RFPL1: variants seen among roughly 807,000 people sequenced by gnomAD.
RFPL1 encodes ret finger protein like 1, also known as ret finger protein-like 1.
A neutral mutation model predicts 9.6 loss-of-function variants in RFPL1; 6 were observed. The ratio of observed to expected loss-of-function variants is 0.62; its 90% CI spans 0.34 to 1.23. RFPL1 has a LOEUF of 1.23. Among genes scored for constraint, RFPL1 ranks in the 50% most tolerant of loss-of-function variants. The probability of loss-of-function intolerance (pLI) is 0.03; values close to 1 mark genes in which losing one functional copy is unlikely to be tolerated. For synonymous variants in RFPL1, 145 were observed against 149.4 expected (o/e 0.97, Z 0.22); for missense variants, 352 against 398.4 (o/e 0.88, Z 0.99).
the RFPL1 span, among the ~76,000 whole-genome samples, chr22:29,429,357 A>G: frequency 6.6e-6 from 1 of 152,184 alleles, no homozygotes; most frequent in Non-Finnish European, 1.5e-5. Context: ...CTCAGCCAAG[A>G]AGTTGATTTT....
At chr22:29,431,126 G>A in the RFPL1 span, among the ~76,000 whole-genome samples, 7 of 152,038 alleles carry the variant, frequency 4.6e-5, no homozygotes, top group Non-Finnish European at 8.8e-5. Flanking sequence ...CTGAGCTGTC[G>A]GTGGAAGCTA....
At chr22:29,389,986 G>T in the RFPL1 span, among the ~76,000 whole-genome samples, 3 of 151,894 alleles carry the variant, frequency 2.0e-5, no homozygotes, top group Admixed American at 2.0e-4. Context: ...TTTAGTAGAG[G>T]CGGGGGTTTC....
chr22:29,391,183 A>T, the RFPL1 span, among the ~76,000 whole-genome samples: 2 of 151,502 alleles, frequency 1.3e-5, no homozygotes, highest in African/African-American at 4.9e-5. Flanking sequence ...AACAAATGGA[A>T]TTTTTTTTTC....
chr22:29,413,456 T>A, the RFPL1 span, among the ~76,000 whole-genome samples: 487 of 152,318 alleles, frequency 3.2e-3, 4 homozygotes, highest in African/African-American at 0.011. Flanking sequence ...ATTTTAAATG[T>A]AGGGACATCA....
At position 29,438,931 on chromosome 22, in the gene RFPL1, T is replaced by G. The variant is rs561369039; in HGVS notation, c.140T>G (p.Leu47Arg). 19 of 1,613,928 alleles carry G rather than the reference T, an allele frequency of 1.2e-5. 1 individual carries two copies. In the South Asian group the frequency reaches 1.9e-4, roughly 16 times the overall value. Residue 47 changes from leucine (L) to arginine (R), a missense_variant, in exon 1 of 2, where the codon CTA (leucine) becomes CGA (arginine). Transcript: ENST00000354373. ...AGCTGTCCCGTCTGCTCAGACTATC[T>G]AGAGAAACCAATGTCCCTGGAGTGT... is the stretch of plus-strand genomic sequence containing the variant.
the RFPL1 span, chr22:29,388,524 G>GGCGGCTCGGAGCCCC: frequency 6.6e-6 from 1 of 152,220 alleles, no homozygotes; most frequent in Non-Finnish European, 1.5e-5. Flanking sequence ...CCGGGCTGCC[G>GGCGGCTCGGAGCCCC]GCGGCTCGGA....
the RFPL1 span, among the ~76,000 whole-genome samples, chr22:29,393,087 G>A: frequency 6.6e-6 from 1 of 152,306 alleles, no homozygotes; most frequent in South Asian, 2.1e-4. Flanking sequence ...GAGGCACAGG[G>A]GATGCAGGCA....
At chr22:29,388,766 A>T in the RFPL1 span, among the ~76,000 whole-genome samples, 1 of 152,242 alleles carries the variant, frequency 6.6e-6, no homozygotes, top group Non-Finnish European at 1.5e-5. Context: ...TAGCCAATTC[A>T]GCGTGAGGGG....
the RFPL1 span, among the ~76,000 whole-genome samples, chr22:29,410,778 G>A: frequency 1.4e-3 from 217 of 150,918 alleles, no homozygotes; most frequent in African/African-American, 4.9e-3. Context: ...TCCGCATCCC[G>A]AGTAGCTGGG....
chr22:29,409,753 T>A, the RFPL1 span, among the ~76,000 whole-genome samples: 1 of 152,134 alleles, frequency 6.6e-6, no homozygotes, highest in Non-Finnish European at 1.5e-5. Context: ...CAAATACAAT[T>A]TTTTTGTTGG....
chr22:29,420,136 G>A, the RFPL1 span, among the ~76,000 whole-genome samples: 1 of 152,194 alleles, frequency 6.6e-6, no homozygotes, highest in Non-Finnish European at 1.5e-5. Flanking sequence ...TTCACTTCCT[G>A]AGACACAAGT....
chr22:29,415,460 C>G, the RFPL1 span, among the ~76,000 whole-genome samples: 1 of 152,238 alleles, frequency 6.6e-6, no homozygotes, highest in African/African-American at 2.4e-5. Flanking sequence ...AGGCATTGCA[C>G]CGGGGCAAAT....
At chr22:29,409,900 C>T in the RFPL1 span, among the ~76,000 whole-genome samples, 2 of 152,148 alleles carry the variant, frequency 1.3e-5, no homozygotes, top group African/African-American at 2.4e-5. Context: ...ATGAGCGCAT[C>T]ACTTACAAAT....
chr22:29,416,692 A>G, the RFPL1 span, among the ~76,000 whole-genome samples: 1 of 152,232 alleles, frequency 6.6e-6, no homozygotes. Context: ...AAGAACCAGC[A>G]CAGCATGCAT....
At chr22:29,416,396 T>C in the RFPL1 span, among the ~76,000 whole-genome samples, 26 of 152,048 alleles carry the variant, frequency 1.7e-4, no homozygotes, top group Non-Finnish European at 2.4e-4. Flanking sequence ...GGAGTAGTTT[T>C]TGTATGAGCC....
chr22:29,441,933 C>T (rs761611163), exon 2 of RFPL1: 7 of 1,613,230 alleles, frequency 4.3e-6, no homozygotes, highest in East Asian at 2.2e-5. Flanking sequence ...GCATGCAGAA[C>T]GTTTCCTTTT....
chr22:29,429,113 T>C, the RFPL1 span, among the ~76,000 whole-genome samples: 16 of 152,298 alleles, frequency 1.1e-4, no homozygotes, highest in Admixed American at 2.6e-4. Flanking sequence ...TGGAGTGCAG[T>C]GGCATGATCA....
At chr22:29,423,114 AC>A in the RFPL1 span, 1 of 1,456,038 alleles carries the variant, frequency 6.9e-7, no homozygotes, top group Admixed American at 1.7e-5. Flanking sequence ...CCATTATTAA[AC>A]AAGTAATACC....
At chr22:29,439,421 CAG>C in intron 1 of RFPL1, 1 of 544,672 alleles carries the variant, frequency 1.8e-6, no homozygotes, top group South Asian at 2.3e-5. Flanking sequence ...ATCACGAGGT[CAG>C]GAGATCGGGA....
Sources: allele counts gnomAD v4.1 joint callset (sites outside exome capture counted in the v4.1 genomes callset), GRCh38; gene constraint gnomAD v4.1.1; transcripts MANE v1.5; gene names NCBI Gene and HGNC (gene_info 2026-07-23, HGNC 2026-07-21).